PIGK: variants seen among roughly 807,000 people sequenced by gnomAD.
The protein encoded by PIGK is phosphatidylinositol glycan anchor biosynthesis class K.
A neutral mutation model predicts 50.6 loss-of-function variants in PIGK; 42 were observed. The ratio of observed to expected loss-of-function variants is 0.83; its 90% CI spans 0.65 to 1.07. PIGK has a LOEUF of 1.07. Ranked by LOEUF, PIGK falls within the 50% of genes least tolerant of loss-of-function variation. The pLI, the probability that PIGK is intolerant of heterozygous loss-of-function variation, is 0.00. For missense variants in PIGK, 448 were observed against 488.7 expected, an observed-to-expected ratio of 0.92 and a Z score of 0.78; for synonymous variants, 151 against 156.0, an observed-to-expected ratio of 0.97 and a Z score of 0.24.
chr1:77,165,170 C>T (rs749811449), intron 5 of PIGK, among the ~76,000 whole-genome samples: 5 of 152,062 alleles, frequency 3.3e-5, no homozygotes, highest in Non-Finnish European at 7.4e-5. Flanking sequence ...TGTTCCAAGC[C>T]TGCAGTTACC....
At chr1:77,209,027 T>A (rs1055705319) in intron 2 of PIGK, among the ~76,000 whole-genome samples, 5 of 152,120 alleles carry the variant, frequency 3.3e-5, no homozygotes, top group Non-Finnish European at 5.9e-5. Flanking sequence ...CCATTTATAA[T>A]CCCCAGTTTT....
In PIGK at chr1:77,166,600, T is replaced by G. The variant is rs943667962; in HGVS notation, c.487+119A>C. 3.9e-5 allele frequency: 23 copies of G among 583,334 alleles called. No individual in the cohort carries two copies. The Admixed American group carries it at 7.6e-4, about 19-fold the overall frequency. The allele number at this position is 583,334 out of a possible 1,614,324, so 36.1% of individuals were successfully genotyped here. ...AGTTCTACATTATGGAAAATATAAC[T>G]ACATGAGAAACCATTTTAACCAAAA... On this transcript the variant is annotated intron_variant, in intron 5 of 10. Transcript: ENST00000370812.
Position 77,166,843 on chromosome 1 carries a change from A to C in PIGK, c.376-13T>G. The C allele has an allele frequency of 8.4e-7, 1 of 1,184,874 alleles. No homozygotes were observed. Among genetic ancestry groups the C allele is most frequent in the Non-Finnish European group, 1.2e-6 (1 of 809,478 alleles). The allele number at this position is 1,184,874 out of a possible 1,614,324, so 73.4% of individuals were successfully genotyped here. On this transcript the variant is annotated splice_polypyrimidine_tract_variant and intron_variant, in intron 4 of 10. Coordinates refer to ENST00000370812, the MANE Select transcript of PIGK (RefSeq NM_005482.3). ...TCTCCACAGTTACCTAAGGGGGAAA[A>C]AACAAGAAAAATCAGATGAAATAAA...
chr1:77,182,391 GTGCCCACC>G (rs1167550747), intron 3 of PIGK, among the ~76,000 whole-genome samples: 4 of 152,220 alleles, frequency 2.6e-5, no homozygotes, highest in African/African-American at 9.6e-5. Flanking sequence ...TGCTTAGATG[GTGCCCACC>G]CAGATTAAGG....
In PIGK at chr1:77,161,720, A is replaced by C; in HGVS notation, c.585-9T>G. The C allele has an allele frequency of 9.3e-7, 1 of 1,078,530 alleles. No homozygotes were observed. Among genetic ancestry groups the C allele is most frequent in the South Asian group, 1.3e-5 (1 of 79,586 alleles). 66.8% of individuals were successfully genotyped at this position (1,078,530 alleles called of 1,614,324 possible). Reference sequence around the variant, plus strand: ...ACAGTAGCTCATTGTAGCTGAAAGAAAAATGATAACATCTTTGACAAGGAT... The same window carrying C: ...ACAGTAGCTCATTGTAGCTGAAAGACAAATGATAACATCTTTGACAAGGAT... On this transcript the variant is annotated splice_polypyrimidine_tract_variant and intron_variant, in intron 6 of 10. Transcript: ENST00000370812.
chr1:77,209,756 T>C (rs1203668632), intron 2 of PIGK, among the ~76,000 whole-genome samples: 1 of 152,008 alleles, frequency 6.6e-6, no homozygotes, highest in African/African-American at 2.4e-5. Context: ...ATTATATGTC[T>C]CCATACCTAC....
intron 3 of PIGK, among the ~76,000 whole-genome samples, chr1:77,201,203 T>C (rs1656157191): frequency 6.6e-6 from 1 of 152,200 alleles, no homozygotes; most frequent in Non-Finnish European, 1.5e-5. Flanking sequence ...TACAGAAACA[T>C]TACCAGAATT....
rs373074286 is a variant in PIGK at position 77,154,615 on chromosome 1, C to A, written c.820G>T (p.Val274Leu). ...SQTNMNDLFQ[V>L]CPKSLCVSTP... ...GACACACACAGACTTTTGGGACATACCTGAAACTGAAAAAATATATAATAA... is the reference window on the plus strand; with the variant it reads ...GACACACACAGACTTTTGGGACATAACTGAAACTGAAAAAATATATAATAA... Residue 274 changes from valine to leucine, a missense_variant, in exon 9 of 11, where the codon GTA (valine) becomes TTA (leucine). Coordinates refer to ENST00000370812, the MANE Select transcript of PIGK (RefSeq NM_005482.3). 2.5e-5 allele frequency: 40 copies of A among 1,603,600 alleles called. No homozygotes were observed. In the Middle Eastern group the frequency reaches 6.7e-4, roughly 27 times the overall value.
At position 77,163,948 on chromosome 1, in the gene PIGK, A is replaced by G; in HGVS notation, c.488-6T>C. On this transcript the variant is annotated splice_polypyrimidine_tract_variant and splice_region_variant and intron_variant, in intron 5 of 10. Coordinates refer to ENST00000370812, the MANE Select transcript of PIGK (RefSeq NM_005482.3). ...GAAACCATTTCCACCATGCCCTTGT[A>G]TAAAGAGTAAAAAAGATCAATAGAT... 1.3e-6 allele frequency: 2 copies of G among 1,523,328 alleles called. No individual in the cohort carries two copies. The highest frequency in any genetic ancestry group is 4.5e-5 in the East Asian group (2 of 44,238). 94.4% of individuals were successfully genotyped at this position (1,523,328 alleles called of 1,614,324 possible).
At chr1:77,218,696 G>C (rs1035133381) in intron 1 of PIGK, among the ~76,000 whole-genome samples, 2 of 152,166 alleles carry the variant, frequency 1.3e-5, no homozygotes, top group East Asian at 3.9e-4. Flanking sequence ...GACCGGGACT[G>C]AGGAATCATC....
chr1:77,122,758 T>A (rs962069872), intron 9 of PIGK, among the ~76,000 whole-genome samples: 2 of 152,220 alleles, frequency 1.3e-5, no homozygotes, highest in African/African-American at 4.8e-5. Flanking sequence ...GTTTTAGTTA[T>A]ATTTAACTAC....
intron 3 of PIGK, among the ~76,000 whole-genome samples, chr1:77,198,415 T>C (rs1015627954): frequency 4.6e-5 from 7 of 151,996 alleles, no homozygotes; most frequent in East Asian, 1.9e-4. Context: ...TATTCCAAAT[T>C]TTTTAAATAT....
chr1:77,112,154 G>A (rs1653862241), intron 10 of PIGK, among the ~76,000 whole-genome samples: 1 of 151,552 alleles, frequency 6.6e-6, no homozygotes, highest in Admixed American at 6.6e-5. Context: ...TTAAAAATCT[G>A]TAACTAAAGA....
At chr1:77,168,596 A>G (rs547018860) in intron 4 of PIGK, among the ~76,000 whole-genome samples, 2 of 146,910 alleles carry the variant, frequency 1.4e-5, no homozygotes, top group East Asian at 3.9e-4. Flanking sequence ...AGGCCCTCTT[A>G]GCTTACAGTC....
At chr1:77,184,625 T>C (rs1655698374) in intron 3 of PIGK, among the ~76,000 whole-genome samples, 1 of 152,184 alleles carries the variant, frequency 6.6e-6, no homozygotes, top group African/African-American at 2.4e-5. Context: ...TAGGGGCTCA[T>C]GGAGGACAGG....
At chr1:77,104,764 T>A (rs927107699) in intron 10 of PIGK, among the ~76,000 whole-genome samples, 14 of 152,056 alleles carry the variant, frequency 9.2e-5, no homozygotes, top group Admixed American at 3.3e-4. Context: ...AGCAAGCGAG[T>A]GTGGGATCTG....
intron 8 of PIGK, among the ~76,000 whole-genome samples, chr1:77,155,149 T>G (rs1358550543): frequency 6.6e-6 from 1 of 152,188 alleles, no homozygotes; most frequent in Non-Finnish European, 1.5e-5. Context: ...GCATATCCTC[T>G]TGCTCTCTGT....
Position 77,204,842 on chromosome 1 carries a change from T to A in PIGK, c.239+1798A>T, listed in dbSNP as rs986381437. 3.9e-5 allele frequency among the ~76,000 whole-genome samples: 6 copies of A among 152,298 alleles called. No individual in the cohort carries two copies. The South Asian group carries it at 1.0e-3, about 26-fold the overall frequency. ...CAACTGATAAAATATTTCCAAATCA[T>A]ACATTTATTTATTTACCCAATACTA... On this transcript the variant is annotated intron_variant, in intron 3 of 10. Coordinates refer to ENST00000370812, the MANE Select transcript of PIGK (RefSeq NM_005482.3).
chr1:77,104,342 C>G (rs556047428), intron 10 of PIGK, among the ~76,000 whole-genome samples: 3 of 151,892 alleles, frequency 2.0e-5, no homozygotes, highest in African/African-American at 7.2e-5. Context: ...TAAAGAAAAA[C>G]ATGAACACAT....
Sources: allele counts gnomAD v4.1 joint callset (sites outside exome capture counted in the v4.1 genomes callset), GRCh38; gene constraint gnomAD v4.1.1; transcripts MANE v1.5; gene names NCBI Gene and HGNC (gene_info 2026-07-23, HGNC 2026-07-21).